Variants in BICC1 observed in about 807,000 individuals in gnomAD.
BICC1 encodes the protein BicC family RNA binding protein 1.
A neutral mutation model predicts 111.0 loss-of-function variants in BICC1; 43 were observed. The observed-to-expected ratio is 0.39, with a 90% CI of 0.30 to 0.50. The LOEUF (loss-of-function observed/expected upper bound fraction) is 0.50. Ranked by LOEUF, BICC1 falls within the 20% of genes least tolerant of loss-of-function variation. The probability of loss-of-function intolerance (pLI) is 0.88; values close to 1 mark genes in which losing one functional copy is unlikely to be tolerated. For missense variants in BICC1, 1,091 were observed against 1,203.2 expected (o/e 0.91, Z 1.38); for synonymous variants, 467 against 434.4 (o/e 1.07, Z -0.93).
At chr10:58,739,399 T>G (rs567011626) in intron 3 of BICC1, among the ~76,000 whole-genome samples, 1 of 152,340 alleles carries the variant, frequency 6.6e-6, no homozygotes, top group African/African-American at 2.4e-5. Flanking sequence ...GATTTGTGTA[T>G]GTTGAACCAG....
intron 1 of BICC1, among the ~76,000 whole-genome samples, chr10:58,534,433 C>T (rs759770780): frequency 7.3e-5 from 11 of 151,602 alleles, no homozygotes; most frequent in African/African-American, 2.2e-4. Context: ...ACTACTACAA[C>T]GAGCATCTGA....
intron 17 of BICC1, among the ~76,000 whole-genome samples, chr10:58,807,390 T>A (rs1439536244): frequency 6.6e-6 from 1 of 152,114 alleles, no homozygotes; most frequent in Admixed American, 6.5e-5. Context: ...AGATGTAAAT[T>A]TGGATGTGAG....
intron 2 of BICC1, among the ~76,000 whole-genome samples, chr10:58,698,082 A>G (rs1171659678): frequency 1.3e-5 from 2 of 152,190 alleles, no homozygotes; most frequent in African/African-American, 4.8e-5. Context: ...CCTAAGGAAA[A>G]TTTTGACTTC....
Position 58,513,139 on chromosome 10 carries a change from C to G in BICC1, c.-5C>G. ...CAGCGGGAGCCCGAGCGCTGCGCGCCCACCATGGCCGCCCAGGGAGAGCCC... is the reference window on the plus strand; with the variant it reads ...CAGCGGGAGCCCGAGCGCTGCGCGCGCACCATGGCCGCCCAGGGAGAGCCC... On this transcript the variant is annotated 5_prime_UTR_variant, in exon 1 of 21. Coordinates refer to ENST00000373886, the MANE Select transcript of BICC1 (RefSeq NM_001080512.3). The G allele has an allele frequency of 6.8e-7, 1 of 1,467,970 alleles. No individual in the cohort carries two copies. Among genetic ancestry groups the G allele is most frequent in the Non-Finnish European group, 9.0e-7 (1 of 1,112,950 alleles). The allele number at this position is 1,467,970 out of a possible 1,614,324, so 90.9% of individuals were successfully genotyped here.
rs537675644 is a variant in BICC1 at position 58,803,161 on chromosome 10, C to A, written c.2100C>A (p.Arg700=). The A allele has an allele frequency of 8.3e-5, 134 of 1,611,698 alleles. 1 individual carries two copies. In the South Asian group the frequency reaches 1.4e-3, roughly 17 times the overall value. ...LADKKAPGSE[R]AAERAAAAQQ... is the part of the protein sequence containing the mutation. ...ACAAGAAGGCTCCAGGGAGTGAGCG[C>A]GCTGCAGAGAGGGCAGCAGCTGCCC... Residue 700 remains arginine, a synonymous_variant, in exon 15 of 21, where the codon CGC becomes CGA. Transcript: ENST00000373886.
intron 1 of BICC1, among the ~76,000 whole-genome samples, chr10:58,539,236 G>A (rs939387355): frequency 1.3e-5 from 2 of 151,738 alleles, no homozygotes; most frequent in Non-Finnish European, 2.9e-5. Context: ...GTCTTTTGCA[G>A]CAACTGGGAT....
chr10:58,764,399 C>T (rs760218087), intron 3 of BICC1, among the ~76,000 whole-genome samples: 20 of 151,980 alleles, frequency 1.3e-4, no homozygotes, highest in African/African-American at 3.9e-4. Context: ...ACCCTGTTCT[C>T]GACACATTAT....
chr10:58,830,186 A>G lies in BICC1; in HGVS notation c.*1295A>G, dbSNP rs1445314647. 6.6e-6 allele frequency: 1 copy of G among 152,104 alleles called. No homozygotes were observed. The highest frequency in any genetic ancestry group is 2.4e-5 in the African/African-American group (1 of 41,444). The allele number at this position is 152,104 out of a possible 1,614,324, so 9.4% of individuals were successfully genotyped here. On this transcript the variant is annotated 3_prime_UTR_variant, in exon 21 of 21. Coordinates refer to ENST00000373886, the MANE Select transcript of BICC1 (RefSeq NM_001080512.3). ...TATATCTTTTTAAGTGGCTAGAGTC[A>G]TTATTACAATCTTATACTGTGAAAG...
At chr10:58,641,128 T>C (rs1000601281) in intron 2 of BICC1, among the ~76,000 whole-genome samples, 2 of 152,198 alleles carry the variant, frequency 1.3e-5, no homozygotes, top group Non-Finnish European at 1.5e-5. Context: ...AGCATCTCAT[T>C]TGATGTATTA....
chr10:58,695,434 G>T (rs1037519581), intron 2 of BICC1, among the ~76,000 whole-genome samples: 1 of 152,106 alleles, frequency 6.6e-6, no homozygotes, highest in Non-Finnish European at 1.5e-5. Flanking sequence ...CAAATTAGTT[G>T]GTCTTTTAGA....
At chr10:58,733,955 T>C (rs1841394835) in intron 3 of BICC1, among the ~76,000 whole-genome samples, 1 of 152,240 alleles carries the variant, frequency 6.6e-6, no homozygotes, top group Non-Finnish European at 1.5e-5. Context: ...CTCAGATTTC[T>C]AATCTGTTAA....
intron 8 of BICC1, 135 bp from the exon 9 acceptor site, chr10:58,793,349 T>A: frequency 1.2e-6 from 1 of 863,042 alleles, no homozygotes; most frequent in Non-Finnish European, 1.7e-6. Context: ...TGTGAACTTA[T>A]ATAATTCAGC....
At chr10:58,799,757 G>A (rs779908319) in intron 12 of BICC1, among the ~76,000 whole-genome samples, 5 of 151,820 alleles carry the variant, frequency 3.3e-5, no homozygotes, top group Admixed American at 1.3e-4. Context: ...CTGTAGCCTC[G>A]TAGTATAGTT....
chr10:58,818,421 A>G (rs1005593530), intron 19 of BICC1, among the ~76,000 whole-genome samples: 3 of 152,146 alleles, frequency 2.0e-5, no homozygotes, highest in African/African-American at 7.2e-5. Context: ...AAATGTTTCT[A>G]TACATTTGTG....
At chr10:58,524,576 A>G (rs1234793106) in intron 1 of BICC1, among the ~76,000 whole-genome samples, 1 of 152,232 alleles carries the variant, frequency 6.6e-6, no homozygotes, top group African/African-American at 2.4e-5. Flanking sequence ...TTGATTAAAG[A>G]CTTAAATATT....
chr10:58,770,313 G>A (rs1326027040), intron 3 of BICC1, among the ~76,000 whole-genome samples: 1 of 152,000 alleles, frequency 6.6e-6, no homozygotes, highest in Admixed American at 6.6e-5. Flanking sequence ...ACAGTGAGAT[G>A]ATGGCAAAGT....
intron 2 of BICC1, among the ~76,000 whole-genome samples, chr10:58,690,105 G>GA (rs1839867539): frequency 6.6e-6 from 1 of 152,090 alleles, no homozygotes. Context: ...TAAACTCTGG[G>GA]CTATCATACA....
chr10:58,761,564 C>T (rs944524003), intron 3 of BICC1, among the ~76,000 whole-genome samples: 59 of 152,220 alleles, frequency 3.9e-4, no homozygotes, highest in African/African-American at 1.4e-3. Context: ...AAAATGTAGA[C>T]GTAGTTATGT....
chr10:58,637,669 C>A (rs1228327372), intron 2 of BICC1, among the ~76,000 whole-genome samples: 1 of 152,190 alleles, frequency 6.6e-6, no homozygotes. Context: ...ATAGTGGGAG[C>A]CTTTCATCTT....
Sources: allele counts gnomAD v4.1 joint callset (sites outside exome capture counted in the v4.1 genomes callset), GRCh38; gene constraint gnomAD v4.1.1; transcripts MANE v1.5; gene names NCBI Gene and HGNC (gene_info 2026-07-23, HGNC 2026-07-21).